Variants in GNG8 observed in about 807,000 individuals in gnomAD.
GNG8 encodes G protein subunit gamma 8.
Under a neutral mutation model 4.6 loss-of-function variants are expected in GNG8, and 3 were observed. That is an observed-to-expected ratio of 0.65 (90% CI 0.29 to 1.67). The LOEUF is 1.67. GNG8 is among the 40% of genes most tolerant of loss of function. The probability of loss-of-function intolerance (pLI) is 0.10; values close to 1 mark genes in which losing one functional copy is unlikely to be tolerated. For synonymous variants in GNG8, 32 were observed against 40.5 expected, an observed-to-expected ratio of 0.79 and a Z score of 0.80; for missense variants, 88 against 95.2, an observed-to-expected ratio of 0.92 and a Z score of 0.32.
intron 1 of GNG8, 44 bp from the exon 2 acceptor site, chr19:46,634,769 C>A: frequency 1.9e-6 from 2 of 1,067,538 alleles, no homozygotes; most frequent in Admixed American, 2.0e-5. Context: ...GAGGTGGGGG[C>A]GAGAGGGCGG....
At chr19:46,638,099 A>G (rs1247828237), upstream of GNG8, 1 of 153,128 alleles carries the variant, frequency 6.5e-6, no homozygotes, top group African/African-American at 2.4e-5. The surrounding 1 kb of genome is among the most constrained non-coding windows in gnomAD (Gnocchi z 4.7). Context: ...CATGTTGCAC[A>G]CAGCCACACA....
At chr19:46,638,407 A>C (rs1599781835), upstream of GNG8, 1 of 152,962 alleles carries the variant, frequency 6.5e-6, no homozygotes, top group Middle Eastern at 3.4e-3. The surrounding 1 kb of genome is among the most constrained non-coding windows in gnomAD (Gnocchi z 4.7). Context: ...TCACCAGTAC[A>C]CCATCATGGC....
In GNG8 at chr19:46,634,632, C is replaced by T. The variant is rs1462135992; in HGVS notation, c.51G>A (p.Gln17=). The change falls in exon 2 of 3, where the codon CAG becomes CAA. Residue 17 remains glutamine, a synonymous_variant. Coordinates refer to ENST00000693335, the MANE Select transcript of GNG8 (RefSeq NM_033258.2). The stretch of plus-strand genomic sequence containing the variant: ...GGTCGATGTTCACCTCCAGCTTCAG[C>T]TGTTCCACCGTCTTGCGGGCCTCGG... The part of the protein sequence containing the change: ...KIAEARKTVE[Q]LKLEVNIDRM... 3 of 1,613,142 alleles carry T rather than the reference C, an allele frequency of 1.9e-6. No individual in the cohort carries two copies. The highest frequency in any genetic ancestry group is 1.7e-6 in the Non-Finnish European group (2 of 1,179,916).
chr19:46,634,557 A>T (rs1291416076), intron 2 of GNG8, 42 bp downstream of exon 2: 1 of 1,547,882 alleles, frequency 6.5e-7, no homozygotes, highest in Admixed American at 1.7e-5. Flanking sequence ...GACAGACCGC[A>T]GGCCCAGAAC....
chr19:46,634,271 G>A (rs1023055668), intron 2 of GNG8, 67 bp from the exon 3 acceptor site: 5 of 1,518,094 alleles, frequency 3.3e-6, no homozygotes, highest in Non-Finnish European at 2.7e-6. Flanking sequence ...CTTAGGCCCC[G>A]CCTCTTGCCC....
chr19:46,638,157 T>A (rs1224699267), upstream of GNG8: 1 of 152,740 alleles, frequency 6.5e-6, no homozygotes, highest in Non-Finnish European at 1.5e-5. This position sits in a 1 kb window ranked among gnomAD's most constrained non-coding sequence, Gnocchi z 4.7. Context: ...CACTCCCACA[T>A]ACGGTCTCTC....
upstream of GNG8, among the ~76,000 whole-genome samples, chr19:46,636,222 C>T (rs1368227923): frequency 1.3e-5 from 2 of 151,730 alleles, no homozygotes; most frequent in South Asian, 2.1e-4. Context: ...CGGCCCGCCC[C>T]GCCCCCTCCC....
Position 46,636,172 on chromosome 19 carries a change from C to T in GNG8, c.-69G>A, listed in dbSNP as rs2052867320. ...CTGTTGCTGCTCTGGGCCGGGCTCG[C>T]GGCGGTGACAGAGGCTGGGAGGCAG... On this transcript the variant is annotated 5_prime_UTR_variant, in exon 1 of 3. Transcript: ENST00000693335. Among the ~76,000 whole-genome samples, 1 of 151,984 alleles carries T rather than the reference C, an allele frequency of 6.6e-6. No individual in the cohort carries two copies. The highest frequency in any genetic ancestry group is 1.5e-5 in the Non-Finnish European group (1 of 67,932).
In GNG8 at chr19:46,634,061, A is replaced by C; in HGVS notation, c.*15T>G. 6.2e-7 allele frequency: 1 copy of C among 1,603,254 alleles called. No individual in the cohort carries two copies. Among genetic ancestry groups the C allele is most frequent in the East Asian group, 2.2e-5 (1 of 44,662 alleles). The stretch of plus-strand genomic sequence containing the variant: ...ATCCATACTTTGGCAGGGGAGGGTA[A>C]GCTGTCCGGAGGGCTCAGAGCAGAA... On this transcript the variant is annotated 3_prime_UTR_variant, in exon 3 of 3. Transcript: ENST00000693335.
intron 2 of GNG8, 69 bp downstream of exon 2, chr19:46,634,530 G>C (rs543089324): frequency 2.1e-6 from 3 of 1,406,738 alleles, no homozygotes; most frequent in South Asian, 1.2e-5. Context: ...GCTCCGAGCC[G>C]GGCCGACACA....
At chr19:46,636,676 A>G (rs2052871421), upstream of GNG8, 1 of 152,550 alleles carries the variant, frequency 6.6e-6, no homozygotes, top group Non-Finnish European at 1.5e-5. Context: ...TGCCACACAC[A>G]GCCGCCACCA....
rs2052854031 is a variant in GNG8, at chr19:46,634,729, TG to T, written c.-43-5del. On this transcript the variant is annotated splice_region_variant and splice_polypyrimidine_tract_variant and intron_variant, in intron 1 of 2. Transcript: ENST00000693335. ...AAAAGACGCGCGGGAGTGGGGGCTG[TG>T]GGGGTAGGTTAGGATACGTCTGGGT... The T allele has an allele frequency of 1.2e-5, 18 of 1,503,532 alleles. No homozygotes were observed. The highest frequency in any genetic ancestry group is 1.7e-5 in the Non-Finnish European group (18 of 1,086,320). The allele number at this position is 1,503,532 out of a possible 1,614,324, so 93.1% of individuals were successfully genotyped here.
upstream of GNG8, among the ~76,000 whole-genome samples, chr19:46,636,390 C>T (rs2052869448): frequency 6.6e-6 from 1 of 152,132 alleles, no homozygotes; most frequent in South Asian, 2.1e-4. Context: ...TTGTGTGACT[C>T]TCTCTGTGCC....
At chr19:46,636,099 G>T (rs934094324) in intron 1 of GNG8, among the ~76,000 whole-genome samples, 48 bp downstream of exon 1, 3 of 152,060 alleles carry the variant, frequency 2.0e-5, no homozygotes, top group Non-Finnish European at 4.4e-5. Flanking sequence ...CGGTGGCCAC[G>T]GAGCAGGCAA....
rs766416889 is a variant in GNG8, at chr19:46,634,085, A to C, written c.204T>G (p.Val68=). The change falls in exon 3 of 3, where the codon GTT becomes GTG. Residue 68 remains valine (V), a synonymous_variant. Transcript: ENST00000693335. ...NPFRDKRLFC[V]LL ...AAGCTGTCCGGAGGGCTCAGAGCAG[A>C]ACACAAAAGAGGCGCTTGTCGCGGA... 5.6e-6 allele frequency: 9 copies of C among 1,613,658 alleles called. No individual in the cohort carries two copies. In the East Asian group the frequency reaches 2.0e-4, roughly 36 times the overall value.
chr19:46,635,004 C>G (rs1336846840), intron 1 of GNG8, among the ~76,000 whole-genome samples: 2 of 151,998 alleles, frequency 1.3e-5, no homozygotes, highest in Non-Finnish European at 2.9e-5. Flanking sequence ...GGTGCTGGAT[C>G]AGAATCCAGG....
chr19:46,634,810 C>T, intron 1 of GNG8, 85 bp from the exon 2 acceptor site: 1 of 686,196 alleles, frequency 1.5e-6, no homozygotes. Context: ...GGTGGAAGGG[C>T]GCGTGAATGG....
At chr19:46,635,414 T>A in intron 1 of GNG8, among the ~76,000 whole-genome samples, 1 of 130,522 alleles carries the variant, frequency 7.7e-6, no homozygotes, top group Non-Finnish European at 1.6e-5. Context: ...AGGAATGAAG[T>A]GATGGAGGAG....
At position 46,635,244 on chromosome 19, in the gene GNG8, G is replaced by A. The variant is rs950785322; in HGVS notation, c.-43-519C>T. On this transcript the variant is annotated intron_variant, in intron 1 of 2. Coordinates refer to ENST00000693335, the MANE Select transcript of GNG8 (RefSeq NM_033258.2). ...TCTGCTCATTAGCAGCCAGGGCAGA[G>A]GGCTGGGGGAGCCCAACTCGGGCAC... 4.7e-4 allele frequency among the ~76,000 whole-genome samples: 72 copies of A among 151,772 alleles called. 1 individual carries two copies. The highest frequency in any genetic ancestry group is 1.6e-4 in the Non-Finnish European group (11 of 67,950).
Sources: allele counts gnomAD v4.1 joint callset (sites outside exome capture counted in the v4.1 genomes callset), GRCh38; gene constraint gnomAD v4.1.1; non-coding constraint Gnocchi (gnomAD v3.1); transcripts MANE v1.5; gene names NCBI Gene and HGNC (gene_info 2026-07-23, HGNC 2026-07-21).